Variants in VWA2 observed in about 807,000 individuals in gnomAD.
VWA2 encodes von Willebrand factor A domain containing 2.
Under a neutral mutation model 70.4 loss-of-function variants are expected in VWA2, and 73 were observed. That is an observed-to-expected ratio of 1.04 (90% CI 0.86 to 1.26). VWA2 has a LOEUF of 1.26. Among genes scored for constraint, VWA2 ranks in the 50% most tolerant of loss-of-function variants. VWA2 has a pLI of 0.00. For synonymous variants in VWA2, 407 were observed against 423.3 expected, an observed-to-expected ratio of 0.96 and a Z score of 0.47; for missense variants, 1,011 against 998.5, an observed-to-expected ratio of 1.01 and a Z score of -0.17.
intron 6 of VWA2, among the ~76,000 whole-genome samples, chr10:114,273,684 A>C (rs1302944082): frequency 6.6e-6 from 1 of 152,208 alleles, no homozygotes. Context: ...TGCACACAGA[A>C]ATCTCTTCAT....
intron 1 of VWA2, among the ~76,000 whole-genome samples, chr10:114,247,211 G>A (rs886856317): frequency 2.1e-4 from 32 of 151,644 alleles, no homozygotes; most frequent in African/African-American, 6.8e-4. Context: ...AAAGATTTCT[G>A]TACAGATTTG....
intron 1 of VWA2, among the ~76,000 whole-genome samples, chr10:114,240,552 C>T (rs1205270460): frequency 2.0e-5 from 3 of 152,152 alleles, no homozygotes; most frequent in African/African-American, 4.8e-5. Flanking sequence ...TAAGTAAAAC[C>T]CCAGAACCTC....
chr10:114,287,479 T>C (rs1349869975), intron 11 of VWA2, among the ~76,000 whole-genome samples: 1 of 152,168 alleles, frequency 6.6e-6, no homozygotes, highest in African/African-American at 2.4e-5. Flanking sequence ...AATGTAAGCC[T>C]TTATAGGGCT....
intron 1 of VWA2, among the ~76,000 whole-genome samples, chr10:114,243,264 G>T (rs2037005891): frequency 6.6e-6 from 1 of 152,154 alleles, no homozygotes; most frequent in African/African-American, 2.4e-5. Context: ...ATGGCATGTT[G>T]CTTATTTCTT....
intron 1 of VWA2, 81 bp from the exon 2 acceptor site, chr10:114,248,623 G>T: frequency 8.2e-7 from 1 of 1,217,038 alleles, no homozygotes; most frequent in Non-Finnish European, 1.2e-6. Flanking sequence ...AGGCTGAGTT[G>T]GCATCTTGTT....
At chr10:114,286,609 C>T in intron 11 of VWA2, 98 bp downstream of exon 11, 1 of 1,062,076 alleles carries the variant, frequency 9.4e-7, no homozygotes, top group Non-Finnish European at 1.3e-6. Context: ...AGTGCCTCTT[C>T]TAGGGGCTGA....
chr10:114,254,873 G>A (rs1352662278), intron 3 of VWA2, 42 bp from the exon 4 acceptor site: 21 of 1,599,078 alleles, frequency 1.3e-5, no homozygotes, highest in African/African-American at 2.7e-5. Context: ...AAGTGAGACC[G>A]ACTTGCTCCT....
In VWA2 at chr10:114,278,815, C is replaced by T; in HGVS notation, c.797C>T (p.Thr266Ile). Residue 266 changes from threonine to isoleucine, a missense_variant, in exon 8 of 14, where the codon ACC becomes ATC. Physicochemically the swap from Thr to Ile is moderately conservative, Grantham distance 89. Transcript: ENST00000392982. ...CCATGCTGGAGAGGATCGCGGCGGA[C>T]CCTTGCGGTGCTGGCTGCACACTGT... ...NAPCWRGSRR[T>I]LAVLAAHCPF... The T allele has an allele frequency of 6.2e-7, 1 of 1,613,408 alleles. No homozygotes were observed. Among genetic ancestry groups the T allele is most frequent in the South Asian group, 1.1e-5 (1 of 91,048 alleles).
chr10:114,253,700 C>T lies in VWA2; in HGVS notation c.102C>T (p.Ile34=), dbSNP rs62641661. 4,513 of 1,612,336 alleles carry T rather than the reference C, an allele frequency of 2.8e-3. 132 individuals are homozygous for T. The African/African-American group carries it at 0.054, about 19-fold the overall frequency. Residue 34 remains isoleucine, a synonymous_variant, in exon 3 of 14, where the codon ATC becomes ATT. Coordinates refer to ENST00000392982, the MANE Select transcript of VWA2 (RefSeq NM_001272046.2). ...LQEVHVSKET[I]GKISAASKMM... is the part of the protein sequence containing the mutation. ...AAGTCCATGTAAGCAAAGAAACCAT[C>T]GGGAAGATTTCAGCTGCCAGCAAAA...
rs143337523 is a variant in VWA2 at position 114,289,117 on chromosome 10, G to C, written c.1750G>C (p.Gly584Arg). Residue 584 changes from glycine to arginine, a missense_variant, in exon 12 of 14, where the codon GGG (glycine) becomes CGG (arginine). Gly to Arg is a moderately radical substitution (Grantham distance 125). Transcript: ENST00000392982. ...TGGCAGCCAGGTGCAGACTGCCTTC[G>C]GGCTGGACACCAAACCCACCCGGGC... ...VYGSQVQTAF[G>R]LDTKPTRAAM... 5.7e-4 allele frequency: 921 copies of C among 1,614,056 alleles called. 7 individuals are homozygous for C. The African/African-American group carries it at 0.011, about 19-fold the overall frequency.
chr10:114,249,964 G>T (rs972498203), intron 2 of VWA2, among the ~76,000 whole-genome samples: 1 of 151,616 alleles, frequency 6.6e-6, no homozygotes, highest in Non-Finnish European at 1.5e-5. Flanking sequence ...CTTGCTCCCC[G>T]CCACCAAAAA....
In VWA2 at chr10:114,291,837, G is replaced by A. The variant is rs1055226334; in HGVS notation, c.*600G>A. ...TGCCTTTTGTGTGTGGAAGAGACTT[G>A]GAAAGGTCTCAGACTGAAATGTGAC... On this transcript the variant is annotated 3_prime_UTR_variant, in exon 14 of 14. Coordinates refer to ENST00000392982, the MANE Select transcript of VWA2 (RefSeq NM_001272046.2). Among the ~76,000 whole-genome samples the A allele has an allele frequency of 2.0e-5, 3 of 152,196 alleles. No homozygotes were observed. The highest frequency in any genetic ancestry group is 4.4e-5 in the Non-Finnish European group (3 of 68,040).
chr10:114,263,183 T>G (rs1384067102), intron 5 of VWA2, among the ~76,000 whole-genome samples: 8 of 151,824 alleles, frequency 5.3e-5, no homozygotes, highest in Non-Finnish European at 1.2e-4. Context: ...ACTGGGCTAA[T>G]TTTTCTATTT....
At position 114,289,364 on chromosome 10, in the gene VWA2, G is replaced by A; in HGVS notation, c.1997G>A (p.Gly666Asp). ...AATGGCATCTCTGTCTTGGTCGTGGGCGTGGGGCCTGTCCTAAGTGAGGGT... is the reference window on the plus strand; with the variant it reads ...AATGGCATCTCTGTCTTGGTCGTGGACGTGGGGCCTGTCCTAAGTGAGGGT... ...RNNGISVLVV[G>D]VGPVLSEGLR... Residue 666 changes from glycine (G) to aspartate (D), a missense_variant, in exon 12 of 14, where the codon GGC becomes GAC. Gly to Asp is a moderately conservative substitution (Grantham distance 94). Coordinates refer to ENST00000392982, the MANE Select transcript of VWA2 (RefSeq NM_001272046.2). 1.9e-6 allele frequency: 3 copies of A among 1,614,216 alleles called. No homozygotes were observed. The highest frequency in any genetic ancestry group is 2.5e-6 in the Non-Finnish European group (3 of 1,180,020).
At chr10:114,258,522 A>G (rs900786210) in intron 4 of VWA2, among the ~76,000 whole-genome samples, 1 of 152,216 alleles carries the variant, frequency 6.6e-6, no homozygotes, top group African/African-American at 2.4e-5. Context: ...CCAAACCACC[A>G]ATTAAACAAA....
chr10:114,285,865 C>T (rs996916768), intron 10 of VWA2, 74 bp from the exon 11 acceptor site: 360 of 1,415,474 alleles, frequency 2.5e-4, no homozygotes, highest in South Asian at 1.5e-3. Flanking sequence ...GGGAGATGTT[C>T]GGCATCTCGG....
intron 8 of VWA2, chr10:114,281,914 C>T (rs1172303906): frequency 2.1e-5 from 4 of 189,996 alleles, no homozygotes; most frequent in African/African-American, 4.7e-5. Flanking sequence ...CCTACTGCAT[C>T]GTAAGCCTCA....
chr10:114,264,574 C>G (rs918140353), intron 5 of VWA2, among the ~76,000 whole-genome samples: 1 of 151,560 alleles, frequency 6.6e-6, no homozygotes, highest in Non-Finnish European at 1.5e-5. Context: ...CCCGCCACCA[C>G]GCCCGGCTAA....
chr10:114,282,173 T>G (rs897461144), intron 8 of VWA2, among the ~76,000 whole-genome samples: 3 of 152,048 alleles, frequency 2.0e-5, no homozygotes, highest in Non-Finnish European at 2.9e-5. Flanking sequence ...CCAGCTAATT[T>G]TTGTATTTTT....
Sources: allele counts gnomAD v4.1 joint callset (sites outside exome capture counted in the v4.1 genomes callset), GRCh38; gene constraint gnomAD v4.1.1; transcripts MANE v1.5; gene names NCBI Gene and HGNC (gene_info 2026-07-23, HGNC 2026-07-21).